Variants in NPC1L1 observed in about 807,000 individuals in gnomAD.
The protein encoded by NPC1L1 is NPC1-like intracellular cholesterol transporter 1.
A neutral mutation model predicts 117.0 loss-of-function variants in NPC1L1; 98 were observed. The ratio of observed to expected loss-of-function variants is 0.84; its 90% CI spans 0.71 to 0.99. The LOEUF (loss-of-function observed/expected upper bound fraction) is 0.99, where lower values mean the gene tolerates loss of function less well. Ranked by LOEUF, NPC1L1 falls within the 50% of genes least tolerant of loss-of-function variation. The pLI is 0.00. For missense variants in NPC1L1, 1,540 were observed against 1,710.0 expected (o/e 0.90, Z 1.75); for synonymous variants, 729 against 727.6 (o/e 1.00, Z -0.03).
intron 10 of NPC1L1, among the ~76,000 whole-genome samples, chr7:44,524,700 C>T (rs368763447): frequency 4.6e-5 from 7 of 152,236 alleles, no homozygotes; most frequent in Non-Finnish European, 7.4e-5. Flanking sequence ...CCCGAGATCA[C>T]ACCATTGCAC....
chr7:44,535,101 G>A (rs779379234), intron 5 of NPC1L1, among the ~76,000 whole-genome samples: 3 of 151,974 alleles, frequency 2.0e-5, no homozygotes, highest in African/African-American at 4.8e-5. Flanking sequence ...ATGGCCGGAC[G>A]TGGTAGCTCA....
intron 14 of NPC1L1, chr7:44,518,709 A>G (rs1407063005): frequency 6.6e-6 from 8 of 1,205,406 alleles, no homozygotes; most frequent in Non-Finnish European, 8.5e-6. Flanking sequence ...GTGTACAGTG[A>G]GCATGTGTAT....
chr7:44,537,051 C>A (rs1562569363), intron 2 of NPC1L1, 109 bp from the exon 3 acceptor site: 3 of 850,156 alleles, frequency 3.5e-6, no homozygotes, highest in Non-Finnish European at 5.5e-6. Context: ...GGAGGGTGAG[C>A]TGGTGGGGTG....
Position 44,519,975 on chromosome 7 carries a change from T to C in NPC1L1, c.3136+790A>G, listed in dbSNP as rs546882132. Among the ~76,000 whole-genome samples the C allele has an allele frequency of 1.3e-3, 199 of 152,026 alleles. 1 individual carries two copies. Among genetic ancestry groups the C allele is most frequent in the Non-Finnish European group, 2.3e-3 (155 of 67,946 alleles). ...ACACGCCACCACACCCGGGCAATTTTTTAAATTTTACTTTGTAGAGGAGGC... is the reference window on the plus strand; with the variant it reads ...ACACGCCACCACACCCGGGCAATTTCTTAAATTTTACTTTGTAGAGGAGGC... On this transcript the variant is annotated intron_variant, in intron 14 of 18. Transcript: ENST00000381160.
Position 44,517,017 on chromosome 7 carries a change from T to C in NPC1L1, c.3288-83A>G, listed in dbSNP as rs570421239. On this transcript the variant is annotated intron_variant, in intron 15 of 18. Transcript: ENST00000381160. ...GGGACACCCCACTTCAGAAGGAGAATGCTGAGGGTCAGGCAGGCTTATATT... is the reference window on the plus strand; with the variant it reads ...GGGACACCCCACTTCAGAAGGAGAACGCTGAGGGTCAGGCAGGCTTATATT... The C allele has an allele frequency of 1.2e-4, 175 of 1,466,684 alleles. 5 individuals are homozygous for C. In the South Asian group the frequency reaches 1.9e-3, roughly 16 times the overall value. 90.9% of individuals were successfully genotyped at this position (1,466,684 alleles called of 1,614,324 possible).
intron 12 of NPC1L1, among the ~76,000 whole-genome samples, chr7:44,521,435 C>G (rs1801349473): frequency 6.6e-6 from 1 of 152,224 alleles, no homozygotes; most frequent in Admixed American, 6.5e-5. Flanking sequence ...CCTCCTGACT[C>G]CCCACTGCCC....
intron 10 of NPC1L1, among the ~76,000 whole-genome samples, chr7:44,528,015 G>C (rs1801578711): frequency 1.3e-5 from 2 of 152,118 alleles, no homozygotes; most frequent in Admixed American, 1.3e-4. Flanking sequence ...AGTAGAGATG[G>C]GGTTTTGTCA....
Position 44,534,489 on chromosome 7 carries a change from G to A in NPC1L1, c.2124C>T (p.Ser708=), listed in dbSNP as rs1801804599. Residue 708 remains serine (S), a synonymous_variant, in exon 6 of 19, where the codon TCC becomes TCT. Transcript: ENST00000381160. This position sits in a 1 kb window ranked among gnomAD's most constrained non-coding sequence, Gnocchi z 5.2. The stretch of plus-strand genomic sequence containing the variant: ...AGATGAAGATGTTATCAGCCCCCAC[G>A]GACAGCACCAGGAAAGGAACCACTT... The part of the protein sequence containing the change: ...ILQVVPFLVL[S]VGADNIFIFV... 4 of 1,614,092 alleles carry A rather than the reference G, an allele frequency of 2.5e-6. No individual in the cohort carries two copies. Among genetic ancestry groups the A allele is most frequent in the East Asian group, 4.5e-5 (2 of 44,864 alleles).
At chr7:44,527,201 G>C (rs995123373) in intron 10 of NPC1L1, among the ~76,000 whole-genome samples, 1 of 152,026 alleles carries the variant, frequency 6.6e-6, no homozygotes, top group Admixed American at 6.5e-5. Context: ...GCTCATGCCT[G>C]TAATCCCAGC....
In NPC1L1 at chr7:44,536,767, C is replaced by T. The variant is rs1222300330; in HGVS notation, c.1681+75G>A. 7.4e-7 allele frequency: 1 copy of T among 1,347,506 alleles called. No individual in the cohort carries two copies. Among genetic ancestry groups the T allele is most frequent in the Non-Finnish European group, 1.1e-6 (1 of 942,664 alleles). The allele number at this position is 1,347,506 out of a possible 1,614,324, so 83.5% of individuals were successfully genotyped here. ...GGCCGCGAGAATCCCCAGCACCACT[C>T]CCACCCTCCCGTCTATGGTTCCTGC... On this transcript the variant is annotated intron_variant, in intron 3 of 18. Coordinates refer to ENST00000381160, the MANE Select transcript of NPC1L1 (RefSeq NM_001101648.2). This position sits in a 1 kb window ranked among gnomAD's most constrained non-coding sequence, Gnocchi z 4.7.
rs926318534 is a variant in NPC1L1, at chr7:44,521,622, G to A, written c.2953+90C>T. ...AGACCCTGCAGGATGCGTGGGAGAG[G>A]TTGAGGGAGCCTCTCCAGTCCTCTC... On this transcript the variant is annotated intron_variant, in intron 12 of 18. Transcript: ENST00000381160. The A allele has an allele frequency of 8.1e-6, 13 of 1,601,252 alleles. No individual in the cohort carries two copies. The East Asian group carries it at 2.5e-4, about 30-fold the overall frequency.
chr7:44,538,808 T>C lies in NPC1L1; in HGVS notation c.1580+9A>G, dbSNP rs890961726. The C allele has an allele frequency of 3.7e-6, 6 of 1,613,886 alleles. No individual in the cohort carries two copies. The highest frequency in any genetic ancestry group is 4.2e-6 in the Non-Finnish European group (5 of 1,179,896). On this transcript the variant is annotated intron_variant, in intron 2 of 18. Transcript: ENST00000381160. The surrounding 1 kb of genome is among the most constrained non-coding windows in gnomAD (Gnocchi z 5.9). ...CCCACTCCTCGCTTGGGCCCCACCA[T>C]GGACTCACTTGGCACAGTACAGAAA...
intron 10 of NPC1L1, among the ~76,000 whole-genome samples, chr7:44,524,550 T>C (rs1018051884): frequency 1.1e-4 from 16 of 151,356 alleles, no homozygotes; most frequent in African/African-American, 3.6e-4. Context: ...AGGCCAGGAG[T>C]TCGAGACCAG....
rs780225621 is a variant in NPC1L1, at chr7:44,535,906, G to A, written c.1917C>T (p.Ser639=). The change falls in exon 5 of 19, where the codon AGC becomes AGT. Residue 639 remains serine (S), a synonymous_variant. Coordinates refer to ENST00000381160, the MANE Select transcript of NPC1L1 (RefSeq NM_001101648.2). The part of the protein sequence containing the change: ...TAEDLPIFAT[S]YIVIFLYISL... ...AGATGTACAGGAATATGACAATGTA[G>A]CTGGTGGCAAAGATGGGCAGGTCTT... 1.9e-6 allele frequency: 3 copies of A among 1,613,616 alleles called. No individual in the cohort carries two copies. The highest frequency in any genetic ancestry group is 1.7e-5 in the Admixed American group (1 of 60,022).
intron 10 of NPC1L1, among the ~76,000 whole-genome samples, chr7:44,528,165 T>C (rs1338277891): frequency 6.6e-6 from 1 of 152,208 alleles, no homozygotes; most frequent in African/African-American, 2.4e-5. Context: ...TTGCTCAGGC[T>C]GGAGTACAGT....
At chr7:44,529,336 C>T (rs1801624702) in intron 10 of NPC1L1, among the ~76,000 whole-genome samples, 1 of 151,144 alleles carries the variant, frequency 6.6e-6, no homozygotes, top group South Asian at 2.1e-4. Context: ...TAAATAGTAA[C>T]CAAAAGAGAA....
intron 14 of NPC1L1, 84 bp downstream of exon 14, chr7:44,520,681 T>C: frequency 1.7e-6 from 2 of 1,155,298 alleles, no homozygotes; most frequent in South Asian, 2.4e-5. Context: ...GGAGACAACA[T>C]GTGACAGGCT....
intron 14 of NPC1L1, chr7:44,518,692 C>A (rs947103183): frequency 2.5e-6 from 3 of 1,199,308 alleles, no homozygotes; most frequent in South Asian, 1.4e-5. Flanking sequence ...AAAGTTATTT[C>A]TTTATTGTGT....
rs977423192 is a variant in NPC1L1, at chr7:44,536,693, G to A, written c.1681+149C>T. 2.6e-6 allele frequency: 2 copies of A among 769,058 alleles called. No homozygotes were observed. Among genetic ancestry groups the A allele is most frequent in the African/African-American group, 1.7e-5 (1 of 58,174 alleles). 47.6% of individuals were successfully genotyped at this position (769,058 alleles called of 1,614,324 possible). On this transcript the variant is annotated intron_variant, in intron 3 of 18. Transcript: ENST00000381160. This position sits in a 1 kb window ranked among gnomAD's most constrained non-coding sequence, Gnocchi z 4.7. The stretch of plus-strand genomic sequence containing the variant: ...AAGATAAAGGAGATGGCAGAGAGAG[G>A]AAACAGGACAGGGTTGGCCTACAGC...
Sources: gnomAD v4.1 joint callset for allele counts (sites outside exome capture counted in the v4.1 genomes callset) on GRCh38, gnomAD v4.1.1 for gene constraint, Gnocchi (gnomAD v3.1) non-coding constraint, MANE v1.5 for transcripts, NCBI Gene and HGNC (gene_info 2026-07-23, HGNC 2026-07-21) for gene names.